Variants in RALGAPA2 observed in about 807,000 individuals in gnomAD.
The protein encoded by RALGAPA2 is ral GTPase-activating protein subunit alpha-2.
In RALGAPA2, 139 loss-of-function variants were observed where a neutral mutation model predicts 230.4. That is an observed-to-expected ratio of 0.60 (90% CI 0.53 to 0.69). RALGAPA2 has a LOEUF of 0.69. Ranked by LOEUF, RALGAPA2 falls within the 30% of genes least tolerant of loss-of-function variation. RALGAPA2 has a pLI of 0.00. For missense variants in RALGAPA2, 2,163 were observed against 2,276.0 expected (o/e 0.95, Z 1.01); for synonymous variants, 847 against 837.8 (o/e 1.01, Z -0.19).
intron 23 of RALGAPA2, among the ~76,000 whole-genome samples, chr20:20,549,205 T>G (rs2063855177): frequency 6.6e-6 from 1 of 152,218 alleles, no homozygotes; most frequent in Admixed American, 6.5e-5. Flanking sequence ...CCACAATTTG[T>G]AAATGAATCC....
intron 36 of RALGAPA2, among the ~76,000 whole-genome samples, chr20:20,483,864 A>G (rs6046897): frequency 0.03 from 4,558 of 152,240 alleles, 135 homozygotes; most frequent in East Asian, 0.14. Context: ...CTAAAAGGGG[A>G]AAAAAAGTGG....
At chr20:20,475,030 G>A (rs2061621174) in intron 36 of RALGAPA2, among the ~76,000 whole-genome samples, 1 of 152,174 alleles carries the variant, frequency 6.6e-6, no homozygotes, top group Non-Finnish European at 1.5e-5. Flanking sequence ...AACCCCTTCT[G>A]AGTAGCACTG....
intron 36 of RALGAPA2, among the ~76,000 whole-genome samples, chr20:20,493,842 T>TA (rs1163179933): frequency 1.3e-5 from 2 of 152,136 alleles, no homozygotes; most frequent in Non-Finnish European, 2.9e-5. Flanking sequence ...GAGATCAGAA[T>TA]AAAAAATGAT....
chr20:20,563,927 C>T (rs2064334173), intron 23 of RALGAPA2, among the ~76,000 whole-genome samples: 1 of 151,970 alleles, frequency 6.6e-6, no homozygotes, highest in Non-Finnish European at 1.5e-5. Flanking sequence ...ACACACAAAC[C>T]CCATCTGTGC....
chr20:20,710,849 G>C (rs912602836), intron 1 of RALGAPA2, among the ~76,000 whole-genome samples: 1 of 152,174 alleles, frequency 6.6e-6, no homozygotes, highest in Non-Finnish European at 1.5e-5. Flanking sequence ...ACAGAAAAAG[G>C]CTCAAAGTAT....
At chr20:20,565,688 A>G (rs1012057959) in intron 23 of RALGAPA2, among the ~76,000 whole-genome samples, 1 of 152,254 alleles carries the variant, frequency 6.6e-6, no homozygotes, top group African/African-American at 2.4e-5. Flanking sequence ...ATGTGGAGTT[A>G]AATGAAAGCA....
chr20:20,572,624 C>T (rs557793196), intron 21 of RALGAPA2, among the ~76,000 whole-genome samples: 5 of 152,200 alleles, frequency 3.3e-5, no homozygotes, highest in South Asian at 2.1e-4. Flanking sequence ...AAGAGAGTAA[C>T]TAGAATGACT....
At chr20:20,594,632 G>A (rs2065391963) in intron 16 of RALGAPA2, among the ~76,000 whole-genome samples, 1 of 151,618 alleles carries the variant, frequency 6.6e-6, no homozygotes, top group African/African-American at 2.4e-5. Flanking sequence ...TCTCTCTAAA[G>A]CCTAGTTAGT....
At chr20:20,602,841 T>TGTGC (rs2065699555) in intron 15 of RALGAPA2, among the ~76,000 whole-genome samples, 1 of 150,802 alleles carries the variant, frequency 6.6e-6, no homozygotes, top group Non-Finnish European at 1.5e-5. Flanking sequence ...TGTGTGTGTG[T>TGTGC]GTGTAGTGTA....
Position 20,439,296 on chromosome 20 carries a change from G to A in RALGAPA2, c.5496-27148C>T, listed in dbSNP as rs1351375336. 4.6e-5 allele frequency among the ~76,000 whole-genome samples: 7 copies of A among 151,342 alleles called. No individual in the cohort carries two copies. The South Asian group carries it at 1.0e-3, about 23-fold the overall frequency. ...GGTGTGATCTCAACTCACTGCAGCC[G>A]TGACCTCCTAGGCTCAAGCGATCCT... On this transcript the variant is annotated intron_variant, in intron 37 of 39. Coordinates refer to ENST00000202677, the MANE Select transcript of RALGAPA2 (RefSeq NM_020343.4).
At chr20:20,673,464 T>C (rs2068210582) in intron 3 of RALGAPA2, among the ~76,000 whole-genome samples, 1 of 151,928 alleles carries the variant, frequency 6.6e-6, no homozygotes. Flanking sequence ...GGATTATGAC[T>C]CTCCAAAGAG....
At chr20:20,396,217 C>T (rs1025089115) in intron 39 of RALGAPA2, among the ~76,000 whole-genome samples, 1 of 152,258 alleles carries the variant, frequency 6.6e-6, no homozygotes, top group Admixed American at 6.5e-5. Context: ...TTTCCTTCCC[C>T]AGCTGTTCCA....
At chr20:20,677,493 G>C (rs1025930736) in intron 2 of RALGAPA2, among the ~76,000 whole-genome samples, 5 of 152,210 alleles carry the variant, frequency 3.3e-5, no homozygotes, top group Non-Finnish European at 7.4e-5. Flanking sequence ...ACACAAGCGG[G>C]ACAGTTGGAG....
intron 31 of RALGAPA2, among the ~76,000 whole-genome samples, chr20:20,520,664 C>CT (rs1453966678): frequency 1.3e-5 from 2 of 152,002 alleles, no homozygotes; most frequent in African/African-American, 2.4e-5. Flanking sequence ...GAAAATGAGC[C>CT]TTTTTTGTGA....
In RALGAPA2 at chr20:20,398,279, C is replaced by T. The variant is rs2059760647; in HGVS notation, c.5618-1545G>A. On this transcript the variant is annotated intron_variant, in intron 38 of 39. Coordinates refer to ENST00000202677, the MANE Select transcript of RALGAPA2 (RefSeq NM_020343.4). This position sits in a 1 kb window ranked among gnomAD's most constrained non-coding sequence, Gnocchi z 4.5. ...CTGGTTATGCTGTGCGTACAGGCAC[C>T]CGATTGGTAGAAACCAAGAAAGCAG... 6.6e-6 allele frequency among the ~76,000 whole-genome samples: 1 copy of T among 152,132 alleles called. No individual in the cohort carries two copies.
At chr20:20,444,066 G>C (rs1441238810) in intron 37 of RALGAPA2, among the ~76,000 whole-genome samples, 1 of 152,178 alleles carries the variant, frequency 6.6e-6, no homozygotes, top group East Asian at 1.9e-4. Flanking sequence ...GGTGGGTGCT[G>C]GGCATCAGTC....
intron 37 of RALGAPA2, among the ~76,000 whole-genome samples, chr20:20,465,574 A>G (rs2061403984): frequency 6.6e-6 from 1 of 152,174 alleles, no homozygotes; most frequent in African/African-American, 2.4e-5. Context: ...CCCTAGGGGG[A>G]GCATCAGCCT....
chr20:20,629,043 A>G (rs2066582948), intron 10 of RALGAPA2, among the ~76,000 whole-genome samples: 1 of 152,122 alleles, frequency 6.6e-6, no homozygotes, highest in African/African-American at 2.4e-5. Flanking sequence ...GTATTCAGGA[A>G]CGGCTTTCTT....
chr20:20,479,991 G>T (rs534759867), intron 36 of RALGAPA2, among the ~76,000 whole-genome samples: 1 of 151,928 alleles, frequency 6.6e-6, no homozygotes, highest in East Asian at 1.9e-4. Flanking sequence ...GGTTAGAAAA[G>T]GAAATATTAT....
Sources: allele counts gnomAD v4.1 joint callset (sites outside exome capture counted in the v4.1 genomes callset), GRCh38; gene constraint gnomAD v4.1.1; non-coding constraint Gnocchi (gnomAD v3.1); transcripts MANE v1.5; gene names NCBI Gene and HGNC (gene_info 2026-07-23, HGNC 2026-07-21).